Variants in ACTA2 observed in about 807,000 individuals in gnomAD.
The protein encoded by ACTA2 is actin alpha 2, smooth muscle.
A neutral mutation model predicts 39.5 loss-of-function variants in ACTA2; 12 were observed. That is an observed-to-expected ratio of 0.30 (90% confidence interval 0.19 to 0.49). The LOEUF is 0.49. Ranked by LOEUF, ACTA2 falls within the 20% of genes least tolerant of loss-of-function variation. ACTA2 has a pLI of 0.99. For missense variants in ACTA2, 236 were observed against 498.8 expected (o/e 0.47, Z 5.02); for synonymous variants, 158 against 180.6 (o/e 0.88, Z 1.00).
intron 6 of ACTA2, 97 bp downstream of exon 6, chr10:88,941,132 A>T (rs2133254073): frequency 6.5e-7 from 1 of 1,531,090 alleles, no homozygotes; most frequent in Non-Finnish European, 9.0e-7. Flanking sequence ...CATTTGCAAA[A>T]CTTCATCCCA....
rs144932246 is a variant in ACTA2, at chr10:88,944,239, G to A, written c.259-332C>T. On this transcript the variant is annotated intron_variant, in intron 3 of 8. Transcript: ENST00000224784. ...TTCTTAGTTGTGTGAGCTTAGGCAA[G>A]TTTTTAACCCTTCTCAGCTTCAGTC... Among the ~76,000 whole-genome samples, 568 of 152,266 alleles carry A rather than the reference G, an allele frequency of 3.7e-3. 5 individuals carry two copies. Among genetic ancestry groups the A allele is most frequent in the African/African-American group, 0.013 (536 of 41,550 alleles).
intron 2 of ACTA2, 147 bp from the exon 3 acceptor site, chr10:88,947,533 A>G (rs964060850): frequency 5.2e-5 from 65 of 1,261,638 alleles, no homozygotes; most frequent in Non-Finnish European, 7.1e-5. Context: ...CATTGCCACT[A>G]TGCTCTTAAG....
At chr10:88,943,646 C>G in intron 4 of ACTA2, 151 bp downstream of exon 4, 1 of 723,380 alleles carries the variant, frequency 1.4e-6, no homozygotes, top group Non-Finnish European at 2.5e-6. Context: ...TCAAGCTGTT[C>G]CTGTCCTTTG....
chr10:88,951,023 G>A (rs1212094838), intron 1 of ACTA2, among the ~76,000 whole-genome samples: 1 of 152,106 alleles, frequency 6.6e-6, no homozygotes, highest in Non-Finnish European at 1.5e-5. Flanking sequence ...TCAACGTGTG[G>A]ATTCCACTTG....
Position 88,943,876 on chromosome 10 carries a change from C to T in ACTA2, c.290G>A (p.Arg97His), listed in dbSNP as rs1055787195. 6.2e-7 allele frequency: 1 copy of T among 1,613,948 alleles called. No homozygotes were observed. The highest frequency in any genetic ancestry group is 1.1e-5 in the South Asian group (1 of 91,066). The change falls in exon 4 of 9, where the codon CGT becomes CAT. Residue 97 changes from arginine to histidine, a missense_variant. Arg to His is a conservative substitution (Grantham distance 29, BLOSUM62 0). Coordinates refer to ENST00000224784, the MANE Select transcript of ACTA2 (RefSeq NM_001613.4). ...GGTGGGATGCTCTTCAGGGGCAACACGAAGCTCATTGTAGAAAGAGTGGTG... is the reference window on the plus strand; with the variant it reads ...GGTGGGATGCTCTTCAGGGGCAACATGAAGCTCATTGTAGAAAGAGTGGTG... ...IWHHSFYNEL[R>H]VAPEEHPTLL...
chr10:88,955,826 G>T (rs967343252), upstream of ACTA2, among the ~76,000 whole-genome samples: 2 of 152,128 alleles, frequency 1.3e-5, no homozygotes, highest in African/African-American at 4.8e-5. Flanking sequence ...AAACATTTTG[G>T]ATCAATACAC....
chr10:88,972,763 TATG>T, intron 1 of ACTA2, among the ~76,000 whole-genome samples: 1 of 152,210 alleles, frequency 6.6e-6, no homozygotes. Context: ...CATACAATGG[TATG>T]ATTTTTACTT....
intron 1 of ACTA2, among the ~76,000 whole-genome samples, chr10:88,982,700 A>T (rs1846741227): frequency 6.6e-6 from 1 of 152,194 alleles, no homozygotes; most frequent in Non-Finnish European, 1.5e-5. Context: ...GTATTTATGT[A>T]GTCAAGTAAG....
intron 7 of ACTA2, 45 bp from the exon 8 acceptor site, chr10:88,938,287 C>T (rs1438621001): frequency 6.2e-7 from 1 of 1,607,830 alleles, no homozygotes; most frequent in South Asian, 1.1e-5. Flanking sequence ...GAGAGTAAAA[C>T]CCAGGCTAGA....
At chr10:88,942,179 TA>T (rs1366176614) in intron 4 of ACTA2, among the ~76,000 whole-genome samples, 1 of 152,188 alleles carries the variant, frequency 6.6e-6, no homozygotes, top group Non-Finnish European at 1.5e-5. Context: ...GTCACCAAAC[TA>T]ATAGTTGATT....
At chr10:88,962,778 T>TGG (rs1252074388) in intron 1 of ACTA2, among the ~76,000 whole-genome samples, 15 of 151,436 alleles carry the variant, frequency 9.9e-5, no homozygotes, top group Non-Finnish European at 1.0e-4. Context: ...GGGTAACTTA[T>TGG]AAAGGAAAGA....
At chr10:88,938,346 G>T in intron 7 of ACTA2, 104 bp from the exon 8 acceptor site, 1 of 1,285,512 alleles carries the variant, frequency 7.8e-7, no homozygotes, top group Non-Finnish European at 1.1e-6. Flanking sequence ...GTGGACTGAG[G>T]CTGGGAAGAC....
chr10:88,989,568 A>C, intron 1 of ACTA2: 1 of 541,534 alleles, frequency 1.8e-6, no homozygotes, highest in South Asian at 1.4e-5. Context: ...ATCAACACCT[A>C]CAAGACTGGT....
chr10:88,975,371 A>T (rs1487835092), intron 1 of ACTA2, among the ~76,000 whole-genome samples: 3 of 152,226 alleles, frequency 2.0e-5, no homozygotes, highest in African/African-American at 7.2e-5. Flanking sequence ...GTTGAGAAGG[A>T]CAATAGTACT....
chr10:88,956,205 C>T (rs370181909), upstream of ACTA2, among the ~76,000 whole-genome samples: 2 of 152,200 alleles, frequency 1.3e-5, no homozygotes, highest in Non-Finnish European at 2.9e-5. Context: ...TGGCCTCAAA[C>T]AACACAAATG....
In ACTA2 at chr10:88,949,072, T is replaced by G. The variant is rs1293913688; in HGVS notation, c.-23-119A>C. The G allele has an allele frequency of 1.1e-5, 10 of 878,946 alleles. No individual in the cohort carries two copies. The East Asian group carries it at 2.6e-4, about 23-fold the overall frequency. 54.4% of individuals were successfully genotyped at this position (878,946 alleles called of 1,614,324 possible). On this transcript the variant is annotated intron_variant, in intron 1 of 8. Coordinates refer to ENST00000224784, the MANE Select transcript of ACTA2 (RefSeq NM_001613.4). ...CCTCCTCTGTGTCCTAGTGCTATCCTCTGACCCTTATCTAATATAGCATGT... is the reference window on the plus strand; with the variant it reads ...CCTCCTCTGTGTCCTAGTGCTATCCGCTGACCCTTATCTAATATAGCATGT...
At chr10:88,989,464 A>C (rs747775315) in intron 1 of ACTA2, 5 of 541,994 alleles carry the variant, frequency 9.2e-6, no homozygotes, top group East Asian at 4.3e-5. Flanking sequence ...TTTTGTGTCT[A>C]TTAGATGCTC....
At chr10:88,955,147 C>A (rs988274943), upstream of ACTA2, among the ~76,000 whole-genome samples, 1 of 151,990 alleles carries the variant, frequency 6.6e-6, no homozygotes, top group Non-Finnish European at 1.5e-5. Context: ...TTTCCAGACA[C>A]GTTGTTCTGC....
intron 1 of ACTA2, among the ~76,000 whole-genome samples, chr10:88,961,281 G>A (rs912843529): frequency 6.6e-6 from 1 of 152,206 alleles, no homozygotes; most frequent in African/African-American, 2.4e-5. Context: ...TTATGGGATA[G>A]TGAGTGTTTT....
Sources: allele counts gnomAD v4.1 joint callset (sites outside exome capture counted in the v4.1 genomes callset), GRCh38; gene constraint gnomAD v4.1.1; transcripts MANE v1.5; gene names NCBI Gene and HGNC (gene_info 2026-07-23, HGNC 2026-07-21).